The following LRPPRC variants were observed in gnomAD, a reference collection of about 807,000 sequenced individuals.
LRPPRC encodes the protein leucine rich pentatricopeptide repeat containing, also known as leucine-rich PPR motif-containing protein, mitochondrial.
In LRPPRC, 120 loss-of-function variants were observed where a neutral mutation model predicts 180.3. The ratio of observed to expected loss-of-function variants is 0.67; its 90% CI spans 0.57 to 0.77. LRPPRC has a LOEUF of 0.77. LRPPRC is among the 30% of genes least tolerant of loss of function. The pLI is 0.00. For missense variants in LRPPRC, 2,012 were observed against 1,657.2 expected, an observed-to-expected ratio of 1.21 and a Z score of -3.72; for synonymous variants, 723 against 600.0, an observed-to-expected ratio of 1.21 and a Z score of -3.00.
chr2:43,916,895 T>C (rs1671487972), intron 29 of LRPPRC, among the ~76,000 whole-genome samples: 1 of 136,542 alleles, frequency 7.3e-6, no homozygotes, highest in South Asian at 2.2e-4. Context: ...CAATGAACCA[T>C]GATTGCGCCA....
Position 43,960,619 on chromosome 2 carries a change from A to G in LRPPRC, c.1504T>C (p.Ser502Pro). The G allele has an allele frequency of 6.3e-7, 1 of 1,584,726 alleles. No individual in the cohort carries two copies. The highest frequency in any genetic ancestry group is 8.7e-7 in the Non-Finnish European group (1 of 1,154,908). Residue 502 changes from serine to proline, a missense_variant, in exon 13 of 38, where the codon TCT becomes CCT. Ser to Pro is a moderately conservative substitution (Grantham distance 74). Transcript: ENST00000260665. ...GCTTGAGAAAACATATCACTATCAG[A>G]CAGACATCCATTTTCCTGGAGATAA... is the stretch of plus-strand genomic sequence containing the variant. ...RAILQENGCL[S>P]DSDMFSQAGL...
chr2:43,995,653 G>C, intron 1 of LRPPRC, 146 bp downstream of exon 1: 1 of 743,806 alleles, frequency 1.3e-6, no homozygotes, highest in South Asian at 3.2e-5. Flanking sequence ...CCCTGGTAGG[G>C]AGCGTGGTGC....
rs773517094 is a variant in LRPPRC, at chr2:43,960,554, A to G, written c.1569T>C (p.Phe523=). ...RSEAANGNLD[F]VLSFLKSNTL... is the part of the protein sequence containing the mutation. ...TTGTATACTTACAAAATGATAATAC[A>G]AAGTCTAAGTTCCCATTTGCTGCTT... is the stretch of plus-strand genomic sequence containing the variant. The change falls in exon 13 of 38, where the codon TTT becomes TTC. Residue 523 remains phenylalanine (F), a synonymous_variant. Coordinates refer to ENST00000260665, the MANE Select transcript of LRPPRC (RefSeq NM_133259.4). 6.4e-7 allele frequency: 1 copy of G among 1,572,346 alleles called. No homozygotes were observed. Among genetic ancestry groups the G allele is most frequent in the Non-Finnish European group, 8.7e-7 (1 of 1,143,220 alleles).
chr2:43,966,401 T>A (rs1403660680), intron 11 of LRPPRC, among the ~76,000 whole-genome samples: 3 of 147,336 alleles, frequency 2.0e-5, no homozygotes, highest in Non-Finnish European at 3.0e-5. Context: ...ATCTCAAGTG[T>A]TCTGGCCACA....
intron 3 of LRPPRC, 79 bp from the exon 4 acceptor site, chr2:43,977,355 CAAAA>C: frequency 8.9e-7 from 1 of 1,118,896 alleles, no homozygotes; most frequent in African/African-American, 1.5e-5. Flanking sequence ...ATTTAACAAA[CAAAA>C]AGAGTAAAAC....
At chr2:43,964,196 G>C (rs1176915289) in intron 11 of LRPPRC, among the ~76,000 whole-genome samples, 1 of 152,130 alleles carries the variant, frequency 6.6e-6, no homozygotes, top group Non-Finnish European at 1.5e-5. Flanking sequence ...AAAATTAATA[G>C]AGAACAATTT....
intron 14 of LRPPRC, among the ~76,000 whole-genome samples, chr2:43,954,912 T>A (rs1250057119): frequency 6.6e-6 from 1 of 152,168 alleles, no homozygotes; most frequent in Non-Finnish European, 1.5e-5. Context: ...GTATGTAAAG[T>A]ATGATATATT....
intron 14 of LRPPRC, among the ~76,000 whole-genome samples, chr2:43,956,513 G>GTGTGTGTGTGTGTA (rs1289671296): frequency 6.6e-6 from 1 of 151,334 alleles, no homozygotes; most frequent in African/African-American, 2.4e-5. Context: ...GTGTGTGTGT[G>GTGTGTGTGTGTGTA]TAGGTACTTT....
intron 36 of LRPPRC, among the ~76,000 whole-genome samples, chr2:43,890,702 A>C (rs1401126341): frequency 6.6e-6 from 1 of 152,238 alleles, no homozygotes; most frequent in African/African-American, 2.4e-5. Flanking sequence ...AACAAGAGCG[A>C]GACACCATCT....
rs776054239 is a variant in LRPPRC, at chr2:43,977,017, A to G, written c.627T>C (p.Asn209=). ...ACCTGGCACCTTCAATATCTCCTAC[A>G]TTACAATAAGAAGCAATCAATCTCT... ...TYQRLIASYC[N]VGDIEGASKI... is the part of the protein sequence containing the mutation. Residue 209 remains asparagine, a synonymous_variant, in exon 5 of 38, where the codon AAT becomes AAC. Transcript: ENST00000260665. The G allele has an allele frequency of 3.7e-6, 6 of 1,613,488 alleles. No homozygotes were observed. The highest frequency in any genetic ancestry group is 2.2e-5 in the South Asian group (2 of 91,052).
Position 43,981,339 on chromosome 2 carries a change from A to G in LRPPRC, c.346+899T>C, listed in dbSNP as rs185891008. Among the ~76,000 whole-genome samples, 326 of 151,122 alleles carry G rather than the reference A, an allele frequency of 2.2e-3. 4 individuals carry two copies. Among genetic ancestry groups the G allele is most frequent in the Non-Finnish European group, 3.7e-4 (25 of 68,032 alleles). On this transcript the variant is annotated intron_variant, in intron 2 of 37. Coordinates refer to ENST00000260665, the MANE Select transcript of LRPPRC (RefSeq NM_133259.4). ...GTGACTCCATAAACTAGGAAAAGCA[A>G]AAAGACAATTTTTATTTTCTGATAT...
At chr2:43,917,166 G>A (rs911054831) in intron 29 of LRPPRC, among the ~76,000 whole-genome samples, 10 of 148,494 alleles carry the variant, frequency 6.7e-5, no homozygotes, top group South Asian at 2.2e-4. Flanking sequence ...TCATCCTCCC[G>A]AGTAGCTGCG....
intron 25 of LRPPRC, among the ~76,000 whole-genome samples, chr2:43,933,866 G>GAAA (rs1672178646): frequency 6.6e-6 from 1 of 152,108 alleles, no homozygotes; most frequent in Non-Finnish European, 1.5e-5. Flanking sequence ...TGGCAAAGAG[G>GAAA]ATTAGCAACT....
chr2:43,894,745 T>C, intron 35 of LRPPRC, 116 bp from the exon 36 acceptor site: 2 of 684,134 alleles, frequency 2.9e-6, no homozygotes, highest in Non-Finnish European at 5.4e-6. Flanking sequence ...GAACTACCTA[T>C]TAAATTTAAT....
At chr2:43,918,229 T>C in intron 28 of LRPPRC, 27 bp downstream of exon 28, 1 of 1,611,050 alleles carries the variant, frequency 6.2e-7, no homozygotes, top group South Asian at 1.1e-5. Flanking sequence ...CAACAAAATC[T>C]GTTACGATTA....
At chr2:43,981,099 T>A (rs965407943) in intron 2 of LRPPRC, among the ~76,000 whole-genome samples, 1 of 152,128 alleles carries the variant, frequency 6.6e-6, no homozygotes, top group Non-Finnish European at 1.5e-5. Context: ...AAATTATGCA[T>A]ATGTTTGCAT....
At chr2:43,916,950 G>GAAAAAA (rs763964823) in intron 29 of LRPPRC, among the ~76,000 whole-genome samples, 1 of 118,140 alleles carries the variant, frequency 8.5e-6, no homozygotes, top group African/African-American at 3.0e-5. Context: ...TCTCCGGGGG[G>GAAAAAA]AAAAAAAAAA....
In LRPPRC at chr2:43,940,278, A is replaced by G. The variant is rs146781493; in HGVS notation, c.2504+3409T>C. 6.6e-3 allele frequency among the ~76,000 whole-genome samples: 1,012 copies of G among 152,346 alleles called. 15 individuals are homozygous for G. Among genetic ancestry groups the G allele is most frequent in the African/African-American group, 0.023 (957 of 41,580 alleles). On this transcript the variant is annotated intron_variant, in intron 23 of 37. Coordinates refer to ENST00000260665, the MANE Select transcript of LRPPRC (RefSeq NM_133259.4). Reference sequence around the variant, plus strand: ...TTTACTCTAGAAGGCAAGCATTCCCATAAATAATGAAAGTATCCAGTACAA... The same window carrying G: ...TTTACTCTAGAAGGCAAGCATTCCCGTAAATAATGAAAGTATCCAGTACAA...
At chr2:43,967,865 C>T (rs574009620) in intron 11 of LRPPRC, among the ~76,000 whole-genome samples, 1 of 152,272 alleles carries the variant, frequency 6.6e-6, no homozygotes, top group South Asian at 2.1e-4. Context: ...TACTAACAAC[C>T]TTGATAACTA....
Sources: gnomAD v4.1 joint callset for allele counts (sites outside exome capture counted in the v4.1 genomes callset) on GRCh38, gnomAD v4.1.1 for gene constraint, MANE v1.5 for transcripts, NCBI Gene and HGNC (gene_info 2026-07-23, HGNC 2026-07-21) for gene names.